The following CTNNA2 variants were observed in gnomAD, a reference collection of about 807,000 sequenced individuals.
The protein encoded by CTNNA2 is catenin alpha 2.
Under a neutral mutation model 101.0 loss-of-function variants are expected in CTNNA2, and 42 were observed. That is an observed-to-expected ratio of 0.42 (90% confidence interval 0.32 to 0.54). CTNNA2 has a LOEUF of 0.54. Ranked by LOEUF, CTNNA2 falls within the 20% of genes least tolerant of loss-of-function variation. CTNNA2 has a pLI of 0.14. For missense variants in CTNNA2, 871 were observed against 1,223.1 expected, an observed-to-expected ratio of 0.71 and a Z score of 4.29; for synonymous variants, 450 against 456.4, an observed-to-expected ratio of 0.99 and a Z score of 0.18.
chr2:79,992,134 C>T (rs1293595851), intron 7 of CTNNA2, among the ~76,000 whole-genome samples: 2 of 152,034 alleles, frequency 1.3e-5, no homozygotes, highest in Non-Finnish European at 2.9e-5. Flanking sequence ...TGTAATTTAT[C>T]TTTCAGAGAA....
At chr2:80,266,029 G>A (rs72928773) in intron 7 of CTNNA2, among the ~76,000 whole-genome samples, 1 of 152,228 alleles carries the variant, frequency 6.6e-6, no homozygotes, top group Non-Finnish European at 1.5e-5. Flanking sequence ...TGGTCTTATC[G>A]AGGCACTAAA....
chr2:80,282,957 G>T (rs950874547), intron 7 of CTNNA2, among the ~76,000 whole-genome samples: 1 of 152,060 alleles, frequency 6.6e-6, no homozygotes, highest in Non-Finnish European at 1.5e-5. Flanking sequence ...TGGGCTAGTG[G>T]ATCCTCAAGG....
chr2:79,745,790 T>C (rs1671603953), intron 3 of CTNNA2, among the ~76,000 whole-genome samples: 1 of 152,220 alleles, frequency 6.6e-6, no homozygotes, highest in African/African-American at 2.4e-5. Context: ...ACATTTTGTT[T>C]ATACATTCAT....
chr2:80,101,471 ATCT>A (rs1409040520), intron 7 of CTNNA2, among the ~76,000 whole-genome samples: 2 of 152,300 alleles, frequency 1.3e-5, no homozygotes, highest in East Asian at 3.9e-4. Context: ...TATTATTTTT[ATCT>A]TCTTCTGAAA....
intron 9 of CTNNA2, among the ~76,000 whole-genome samples, chr2:80,535,076 G>T (rs1488137491): frequency 1.3e-5 from 2 of 152,166 alleles, no homozygotes; most frequent in African/African-American, 4.8e-5. Flanking sequence ...TATAACTTGA[G>T]AATTGTAACT....
intron 3 of CTNNA2, among the ~76,000 whole-genome samples, chr2:79,804,399 G>T (rs1328840557): frequency 6.6e-6 from 1 of 152,054 alleles, no homozygotes; most frequent in Non-Finnish European, 1.5e-5. Context: ...TTGCACCCTG[G>T]CTGGTATTTT....
At chr2:80,043,085 TTCTTTCTTTCTC>T (rs70940071) in intron 7 of CTNNA2, among the ~76,000 whole-genome samples, 2,486 of 38,818 alleles carry the variant, frequency 0.064, 75 homozygotes, top group Non-Finnish European at 0.078. Context: ...CTTTCTTTCT[TTCTTTCTTTCTC>T]TCTCTCTCTC....
chr2:80,255,881 T>A (rs1449925117), intron 7 of CTNNA2, among the ~76,000 whole-genome samples: 1 of 152,126 alleles, frequency 6.6e-6, no homozygotes, highest in Non-Finnish European at 1.5e-5. Flanking sequence ...GGAAAATAAA[T>A]ACAGGCCTAT....
chr2:80,555,697 T>G lies in CTNNA2; in HGVS notation c.1545T>G (p.Asn515Lys). 1 of 1,506,614 alleles carries G rather than the reference T, an allele frequency of 6.6e-7. No homozygotes were observed. The highest frequency in any genetic ancestry group is 8.9e-7 in the Non-Finnish European group (1 of 1,124,696). The allele number at this position is 1,506,614 out of a possible 1,614,324, so 93.3% of individuals were successfully genotyped here. Residue 515 changes from asparagine to lysine, a missense_variant, in exon 12 of 19, where the codon AAT becomes AAG. Physicochemically the swap from Asn to Lys is moderately conservative, Grantham distance 94 (BLOSUM62 0). Coordinates refer to ENST00000402739, the MANE Select transcript of CTNNA2 (RefSeq NM_001282597.3). The stretch of plus-strand genomic sequence containing the variant: ...GTGTATGTGTCCTCTCCATAGAAAA[T>G]CACATCTTGGAGGATGTGAACAAGT... ...SVDDFLSVSE[N>K]HILEDVNKCV...
intron 7 of CTNNA2, among the ~76,000 whole-genome samples, chr2:80,262,536 T>C (rs1237975287): frequency 6.6e-6 from 1 of 152,184 alleles, no homozygotes; most frequent in Non-Finnish European, 1.5e-5. Flanking sequence ...CTCCTGACTT[T>C]CTCTGAGGAT....
chr2:80,015,579 C>T lies in CTNNA2; in HGVS notation c.1056+105782C>T, dbSNP rs147247590. 3.4e-3 allele frequency among the ~76,000 whole-genome samples: 520 copies of T among 152,164 alleles called. 1 individual carries two copies. Among genetic ancestry groups the T allele is most frequent in the Non-Finnish European group, 6.1e-3 (418 of 68,000 alleles). ...AGAATTTGGTGTGTGCAGAAGGATA[C>T]GGGACGTGGAATGGGGAGTTGGGAT... On this transcript the variant is annotated intron_variant, in intron 7 of 18. Transcript: ENST00000402739.
chr2:79,341,613 A>G (rs1481635791), intron 3 of CTNNA2, among the ~76,000 whole-genome samples: 1 of 152,208 alleles, frequency 6.6e-6, no homozygotes, highest in Non-Finnish European at 1.5e-5. Flanking sequence ...GCAACCTTGG[A>G]AGACAGAATG....
In CTNNA2 at chr2:80,491,092, T is replaced by C. The variant is rs552454945; in HGVS notation, c.1291-53890T>C. 4.6e-3 allele frequency among the ~76,000 whole-genome samples: 702 copies of C among 152,328 alleles called. 5 individuals carry two copies. The highest frequency in any genetic ancestry group is 0.016 in the African/African-American group (667 of 41,574). On this transcript the variant is annotated intron_variant, in intron 9 of 18. Transcript: ENST00000402739. ...AGGGTACACAAACTGTTTTAAGTCA[T>C]TGAACAAATATGCAGTTCCTCTGTG...
intron 7 of CTNNA2, among the ~76,000 whole-genome samples, chr2:80,165,159 C>T (rs1704593225): frequency 1.3e-5 from 2 of 151,894 alleles, no homozygotes; most frequent in South Asian, 2.1e-4. Flanking sequence ...TCTTCTCCTT[C>T]AGGACCTCAA....
At chr2:79,414,313 C>T (rs1349820604) in intron 4 of CTNNA2, among the ~76,000 whole-genome samples, 3 of 151,920 alleles carry the variant, frequency 2.0e-5, no homozygotes, top group Non-Finnish European at 4.4e-5. Context: ...GCATGAACCT[C>T]ATAAGCTTAT....
chr2:79,871,520 A>G (rs188280356), intron 5 of CTNNA2, among the ~76,000 whole-genome samples: 1 of 152,262 alleles, frequency 6.6e-6, no homozygotes, highest in East Asian at 1.9e-4. Context: ...GGAGAAGGGC[A>G]TTCTGCTCTG....
At chr2:80,256,658 T>C (rs1672181973) in intron 7 of CTNNA2, among the ~76,000 whole-genome samples, 1 of 152,038 alleles carries the variant, frequency 6.6e-6, no homozygotes, top group African/African-American at 2.4e-5. Context: ...TTGAACAACT[T>C]CAGTAAAGCA....
At chr2:80,636,994 A>T (rs911404468) in intron 18 of CTNNA2, among the ~76,000 whole-genome samples, 2 of 152,162 alleles carry the variant, frequency 1.3e-5, no homozygotes, top group African/African-American at 4.8e-5. Context: ...TCCATTCCTT[A>T]TCCCTAAAAC....
At chr2:79,296,302 A>G (rs1573048538) in intron 2 of CTNNA2, among the ~76,000 whole-genome samples, 1 of 152,136 alleles carries the variant, frequency 6.6e-6, no homozygotes, top group East Asian at 1.9e-4. Flanking sequence ...CTTTTCACCA[A>G]TCTCTTTTAT....
Sources: gnomAD v4.1 joint callset for allele counts (sites outside exome capture counted in the v4.1 genomes callset) on GRCh38, gnomAD v4.1.1 for gene constraint, MANE v1.5 for transcripts, NCBI Gene and HGNC (gene_info 2026-07-23, HGNC 2026-07-21) for gene names.